Variants in NHERF2 observed in about 807,000 individuals in gnomAD.
NHERF2 encodes NHERF family PDZ scaffold protein 2, also known as Na(+)/H(+) exchange regulatory cofactor NHE-RF2.
the NHERF2 span, chr16:2,037,660 C>T: frequency 8.8e-6 from 14 of 1,582,114 alleles, 1 homozygote; most frequent in African/African-American, 5.4e-5. Flanking sequence ...TTGGGGTAGG[C>T]GTCTGTGGAG....
chr16:2,032,910 A>G, the NHERF2 span: 4 of 1,044,630 alleles, frequency 3.8e-6, no homozygotes, highest in African/African-American at 6.9e-5. The surrounding 1 kb of genome is among the most constrained non-coding windows in gnomAD (Gnocchi z 4.0). Context: ...CTTGGGGGCT[A>G]AGAGCAGGTG....
At chr16:2,033,003 C>T in the NHERF2 span, 12 of 1,153,446 alleles carry the variant, frequency 1.0e-5, no homozygotes, top group Non-Finnish European at 1.2e-5. Flanking sequence ...CTGGCTCTTG[C>T]TCCTCTGGAG....
chr16:2,029,426 G>A, the NHERF2 span: 9 of 655,724 alleles, frequency 1.4e-5, no homozygotes, highest in Non-Finnish European at 2.1e-5. Flanking sequence ...GAGTCCGGGG[G>A]TGGGGGGCGG....
chr16:2,035,559 A>G, the NHERF2 span: 1 of 987,144 alleles, frequency 1.0e-6, no homozygotes, highest in Non-Finnish European at 1.2e-6. Flanking sequence ...GGCCACCGCC[A>G]TGTTTAACTG....
chr16:2,029,703 T>TTC, the NHERF2 span: 108 of 1,507,420 alleles, frequency 7.2e-5, no homozygotes, highest in Non-Finnish European at 7.7e-5. Flanking sequence ...CAGCGAGGGC[T>TTC]CCCACCCGCC....
the NHERF2 span, chr16:2,033,252 G>T: frequency 5.3e-6 from 8 of 1,522,452 alleles, no homozygotes; most frequent in Non-Finnish European, 5.3e-6. Context: ...AGCCAGGGCC[G>T]CAGAGGGAGG....
At chr16:2,037,092 G>T in the NHERF2 span, 1 of 1,423,654 alleles carries the variant, frequency 7.0e-7, no homozygotes, top group Non-Finnish European at 9.6e-7. Flanking sequence ...CGTCCTCGAG[G>T]TGTGCTAGTG....
chr16:2,038,101 A>G, the NHERF2 span: 1 of 1,323,142 alleles, frequency 7.6e-7, no homozygotes, highest in Non-Finnish European at 1.0e-6. Context: ...CATTGCCCAG[A>G]AATCAGCCCC....
At chr16:2,033,286 G>A in the NHERF2 span, 6 of 1,531,714 alleles carry the variant, frequency 3.9e-6, no homozygotes, top group Admixed American at 7.9e-5. Flanking sequence ...TGGCAGCCTG[G>A]GTCGGCCAGA....
chr16:2,037,019 T>C, the NHERF2 span: 1 of 1,549,128 alleles, frequency 6.5e-7, no homozygotes, highest in Admixed American at 2.0e-5. Flanking sequence ...GGGGTGCCCA[T>C]GAGACACAGG....
the NHERF2 span, chr16:2,037,611 T>A: frequency 1.2e-6 from 2 of 1,611,732 alleles, no homozygotes; most frequent in Non-Finnish European, 1.7e-6. Flanking sequence ...GTATGGATGT[T>A]CTCCACTCCT....
chr16:2,030,143 G>T, the NHERF2 span, among the ~76,000 whole-genome samples: 3 of 152,246 alleles, frequency 2.0e-5, no homozygotes, highest in Non-Finnish European at 4.4e-5. Context: ...GCGCAGCTCT[G>T]TGCCTGTGCT....
chr16:2,037,713 T>TGAGCCC, the NHERF2 span: 5 of 1,553,222 alleles, frequency 3.2e-6, no homozygotes, highest in East Asian at 2.4e-5. Flanking sequence ...GAAGTCCTCG[T>TGAGCCC]GAGCCCCAGC....
At chr16:2,035,295 G>A in the NHERF2 span, 6 of 631,980 alleles carry the variant, frequency 9.5e-6, no homozygotes, top group East Asian at 2.8e-4. Flanking sequence ...GGTTTGGAGC[G>A]AGCTTGAAGG....
At chr16:2,037,290 C>T in the NHERF2 span, among the ~76,000 whole-genome samples, 2 of 152,188 alleles carry the variant, frequency 1.3e-5, no homozygotes, top group Non-Finnish European at 2.9e-5. Flanking sequence ...TGGCCTCACC[C>T]CAGGCGTTGC....
At chr16:2,036,413 C>T in the NHERF2 span, 4 of 1,608,676 alleles carry the variant, frequency 2.5e-6, no homozygotes, top group South Asian at 3.3e-5. Flanking sequence ...TGCATAGTGA[C>T]AAGTCCCGGC....
chr16:2,029,879 C>G, the NHERF2 span: 1 of 1,108,840 alleles, frequency 9.0e-7, no homozygotes, highest in Non-Finnish European at 1.3e-6. Context: ...CTCCAGAAGT[C>G]TTGGTCTCTT....
At chr16:2,033,289 C>T in the NHERF2 span, 36 of 1,531,708 alleles carry the variant, frequency 2.4e-5, no homozygotes, top group Non-Finnish European at 3.1e-5. Flanking sequence ...CAGCCTGGGT[C>T]GGCCAGAGAG....
the NHERF2 span, chr16:2,038,268 C>T: frequency 0.019 from 10,481 of 554,904 alleles, 856 homozygotes; most frequent in African/African-American, 0.18. Context: ...AGAGAGCGAG[C>T]GAGCGCGCGG....
Sources: allele counts gnomAD v4.1 joint callset (sites outside exome capture counted in the v4.1 genomes callset), GRCh38; gene constraint gnomAD v4.1.1; non-coding constraint Gnocchi (gnomAD v3.1); transcripts MANE v1.5; gene names NCBI Gene and HGNC (gene_info 2026-07-23, HGNC 2026-07-21).